The following OLIG1 variants were observed in gnomAD, a reference collection of about 807,000 sequenced individuals.
The protein encoded by OLIG1 is oligodendrocyte transcription factor 1.
In OLIG1, 9 loss-of-function variants were observed where a neutral mutation model predicts 13.5. The ratio of observed to expected loss-of-function variants is 0.67; its 90% CI spans 0.40 to 1.17. OLIG1 has a LOEUF of 1.17. Ranked by LOEUF, OLIG1 falls within the 50% of genes most tolerant of loss-of-function variation. OLIG1 has a pLI of 0.01. For synonymous variants in OLIG1, 215 were observed against 208.3 expected (o/e 1.03, Z -0.28); for missense variants, 362 against 392.2 (o/e 0.92, Z 0.65).
rs1321498884 is a variant in OLIG1, at chr21:33,071,254, G to T, written c.*192G>T. ...CCTGGGACGTTAAAGTGACCAGAGC[G>T]GATGTTCGATGGCGCCTCGGGGCAG... On this transcript the variant is annotated 3_prime_UTR_variant, in exon 1 of 1. Transcript: ENST00000382348. The surrounding 1 kb of genome is among the most constrained non-coding windows in gnomAD (Gnocchi z 6.0). The T allele has an allele frequency of 5.7e-6, 3 of 524,788 alleles. No individual in the cohort carries two copies. In the African/African-American group the frequency reaches 6.1e-5, roughly 11 times the overall value. The allele number at this position is 524,788 out of a possible 1,614,324, so 32.5% of individuals were successfully genotyped here.
At position 33,070,150 on chromosome 21, in the gene OLIG1, TC is replaced by T; in HGVS notation, c.-93del. On this transcript the variant is annotated 5_prime_UTR_variant, in exon 1 of 1. Coordinates refer to ENST00000382348, the MANE Select transcript of OLIG1 (RefSeq NM_138983.3). This position sits in a 1 kb window ranked among gnomAD's most constrained non-coding sequence, Gnocchi z 5.9. ...CGCGGGCCAGGGCCCCACCATCGTT[TC>T]CCCGCGCGCAGGTCCGCGGGGAGGG... 1 of 1,397,544 alleles carries T rather than the reference TC, an allele frequency of 7.2e-7. No individual in the cohort carries two copies. The highest frequency in any genetic ancestry group is 2.6e-4 in the Middle Eastern group (1 of 3,810). The allele number at this position is 1,397,544 out of a possible 1,614,324, so 86.6% of individuals were successfully genotyped here. A position where few individuals can be genotyped will look rare whatever the true frequency, so the allele number is the denominator to read the frequency against.
Position 33,070,789 on chromosome 21 carries a change from C to T in OLIG1, c.543C>T (p.Pro181=), listed in dbSNP as rs1368241687. Residue 181 remains proline, a synonymous_variant, in exon 1 of 1, where the codon CCC becomes CCT. Transcript: ENST00000382348. This position sits in a 1 kb window ranked among gnomAD's most constrained non-coding sequence, Gnocchi z 5.9. ...LRRALGEGAG[P]AAPRLLLAGL... ...GCGCGCTGGGCGAGGGCGCCGGGCCCGCCGCGCCGCGCCTGCTGCTGGCCG... is the reference window on the plus strand; with the variant it reads ...GCGCGCTGGGCGAGGGCGCCGGGCCTGCCGCGCCGCGCCTGCTGCTGGCCG... 5.0e-6 allele frequency: 6 copies of T among 1,200,718 alleles called. No homozygotes were observed. Among genetic ancestry groups the T allele is most frequent in the Non-Finnish European group, 6.2e-6 (6 of 969,014 alleles). 74.4% of individuals were successfully genotyped at this position (1,200,718 alleles called of 1,614,324 possible). A position where few individuals can be genotyped will look rare whatever the true frequency, so the allele number is the denominator to read the frequency against.
Position 33,070,840 on chromosome 21 carries a change from C to G in OLIG1, c.594C>G (p.Pro198=). 3 of 1,185,002 alleles carry G rather than the reference C, an allele frequency of 2.5e-6. No individual in the cohort carries two copies. Among genetic ancestry groups the G allele is most frequent in the Non-Finnish European group, 3.1e-6 (3 of 958,670 alleles). The allele number at this position is 1,185,002 out of a possible 1,614,324, so 73.4% of individuals were successfully genotyped here. Residue 198 remains proline (P), a synonymous_variant, in exon 1 of 1, where the codon CCC becomes CCG. Transcript: ENST00000382348. This position sits in a 1 kb window ranked among gnomAD's most constrained non-coding sequence, Gnocchi z 5.9. Reference sequence around the variant, plus strand: ...GGCTGCCCCTGCTCGCCGCCGCGCCCGGCTCCGTGCTGCTGGCGCCCGGCG... The same window carrying G: ...GGCTGCCCCTGCTCGCCGCCGCGCCGGGCTCCGTGCTGCTGGCGCCCGGCG... The part of the protein sequence containing the change: ...LAGLPLLAAA[P]GSVLLAPGAV...
In OLIG1 at chr21:33,071,761, T is replaced by C. The variant is rs1295565500; in HGVS notation, c.*699T>C. On this transcript the variant is annotated 3_prime_UTR_variant, in exon 1 of 1. Coordinates refer to ENST00000382348, the MANE Select transcript of OLIG1 (RefSeq NM_138983.3). The surrounding 1 kb of genome is among the most constrained non-coding windows in gnomAD (Gnocchi z 6.0). Reference sequence around the variant, plus strand: ...GCTGGGTTGGGACGTGGGTCCACTTTTGTAGACCAGCTGTTTGGAGAGCTG... The same window carrying C: ...GCTGGGTTGGGACGTGGGTCCACTTCTGTAGACCAGCTGTTTGGAGAGCTG... The C allele has an allele frequency of 6.0e-6, 1 of 167,066 alleles. No individual in the cohort carries two copies. Among genetic ancestry groups the C allele is most frequent in the Non-Finnish European group, 1.5e-5 (1 of 68,126 alleles). The allele number at this position is 167,066 out of a possible 1,614,324, so 10.3% of individuals were successfully genotyped here. A position where few individuals can be genotyped will look rare whatever the true frequency, so the allele number is the denominator to read the frequency against.
chr21:33,070,331 G>C lies in OLIG1; in HGVS notation c.85G>C (p.Gly29Arg), dbSNP rs1197791354. Residue 29 changes from glycine to arginine, a missense_variant, in exon 1 of 1, where the codon GGG becomes CGG. By Grantham distance (125) the Gly-to-Arg change is moderately radical (BLOSUM62 -2). Around this residue, in one of 3 missense-constraint regions of OLIG1, gnomAD observed 206 missense variants for 197.2 expected, o/e 1.04. Transcript: ENST00000382348. The surrounding 1 kb of genome is among the most constrained non-coding windows in gnomAD (Gnocchi z 5.9). ...ACAGCGGCCCGGAGACTTGCAGCTC[G>C]GGGCCTCCCTCTACGAGCTGGTGGG... Reference protein sequence around the residue: ...RPQRPGDLQLGASLYELVGYR... With the variant: ...RPQRPGDLQLRASLYELVGYR... 1.9e-6 allele frequency: 3 copies of C among 1,546,324 alleles called. No individual in the cohort carries two copies. The highest frequency in any genetic ancestry group is 1.2e-5 in the South Asian group (1 of 83,818).
At position 33,070,222 on chromosome 21, in the gene OLIG1, C is replaced by G. The variant is rs1982172421; in HGVS notation, c.-25C>G. 1.3e-6 allele frequency: 2 copies of G among 1,500,722 alleles called. No individual in the cohort carries two copies. Among genetic ancestry groups the G allele is most frequent in the African/African-American group, 1.4e-5 (1 of 69,484 alleles). 93.0% of individuals were successfully genotyped at this position (1,500,722 alleles called of 1,614,324 possible). A position where few individuals can be genotyped will look rare whatever the true frequency, so the allele number is the denominator to read the frequency against. ...CCCCAGGGCGTTCCTGAAGGGCGTC[C>G]TCGGCCGCCCCCACCGCCTCCCAGA... is the stretch of plus-strand genomic sequence containing the variant. On this transcript the variant is annotated 5_prime_UTR_variant, in exon 1 of 1. Coordinates refer to ENST00000382348, the MANE Select transcript of OLIG1 (RefSeq NM_138983.3). The surrounding 1 kb of genome is among the most constrained non-coding windows in gnomAD (Gnocchi z 5.9).
Position 33,070,393 on chromosome 21 carries a change from C to G in OLIG1, c.147C>G (p.Thr49=), listed in dbSNP as rs1419908227. 3 of 1,539,436 alleles carry G rather than the reference C, an allele frequency of 1.9e-6. No individual in the cohort carries two copies. The highest frequency in any genetic ancestry group is 2.6e-6 in the Non-Finnish European group (3 of 1,144,450). ...RQPPSSSSSS[T]SSTSSTSSSS... Reference sequence around the variant, plus strand: ...CGCCCTCCTCCTCCTCCTCCTCCACCTCCTCCACCTCCTCCACTTCCTCCT... The same window carrying G: ...CGCCCTCCTCCTCCTCCTCCTCCACGTCCTCCACCTCCTCCACTTCCTCCT... The change falls in exon 1 of 1, where the codon ACC becomes ACG. Residue 49 remains threonine (T), a synonymous_variant. Transcript: ENST00000382348. This position sits in a 1 kb window ranked among gnomAD's most constrained non-coding sequence, Gnocchi z 5.9.
In OLIG1 at chr21:33,070,815, G is replaced by C; in HGVS notation, c.569G>C (p.Gly190Ala). The change falls in exon 1 of 1, where the codon GGG becomes GCG. Residue 190 changes from glycine (G) to alanine (A), a missense_variant. This residue lies in a region of OLIG1 where 94 missense variants were observed against 146.0 expected (regional missense o/e 0.64). Coordinates refer to ENST00000382348, the MANE Select transcript of OLIG1 (RefSeq NM_138983.3). The surrounding 1 kb of genome is among the most constrained non-coding windows in gnomAD (Gnocchi z 5.9). ...GPAAPRLLLA[G>A]LPLLAAAPGS... is the part of the protein sequence containing the mutation. The stretch of plus-strand genomic sequence containing the variant: ...GCCGCGCCGCGCCTGCTGCTGGCCG[G>C]GCTGCCCCTGCTCGCCGCCGCGCCC... 1 of 1,169,936 alleles carries C rather than the reference G, an allele frequency of 8.5e-7. No individual in the cohort carries two copies. Among genetic ancestry groups the C allele is most frequent in the Non-Finnish European group, 1.1e-6 (1 of 949,422 alleles). 72.5% of individuals were successfully genotyped at this position (1,169,936 alleles called of 1,614,324 possible). A position where few individuals can be genotyped will look rare whatever the true frequency, so the allele number is the denominator to read the frequency against.
In OLIG1 at chr21:33,070,730, C is replaced by G; in HGVS notation, c.484C>G (p.Leu162Val). The G allele has an allele frequency of 6.8e-7, 1 of 1,475,984 alleles. No homozygotes were observed. The allele number at this position is 1,475,984 out of a possible 1,614,324, so 91.4% of individuals were successfully genotyped here. ...ATLLLARNYI[L>V]LLGSSLQELR... is the part of the protein sequence containing the mutation. ...GCTGCTGCTCGCCCGCAACTACATC[C>G]TACTGCTGGGCAGCTCGCTGCAGGA... is the stretch of plus-strand genomic sequence containing the variant. Residue 162 changes from leucine (L) to valine (V), a missense_variant, in exon 1 of 1, where the codon CTA becomes GTA. Around this residue, in one of 3 missense-constraint regions of OLIG1, gnomAD observed 94 missense variants for 146.0 expected, o/e 0.64. Coordinates refer to ENST00000382348, the MANE Select transcript of OLIG1 (RefSeq NM_138983.3). This position sits in a 1 kb window ranked among gnomAD's most constrained non-coding sequence, Gnocchi z 5.9.
rs1453726040 is a variant in OLIG1, at chr21:33,070,225, G to C, written c.-22G>C. Reference sequence around the variant, plus strand: ...CAGGGCGTTCCTGAAGGGCGTCCTCGGCCGCCCCCACCGCCTCCCAGATGT... The same window carrying C: ...CAGGGCGTTCCTGAAGGGCGTCCTCCGCCGCCCCCACCGCCTCCCAGATGT... On this transcript the variant is annotated 5_prime_UTR_variant, in exon 1 of 1. Transcript: ENST00000382348. The surrounding 1 kb of genome is among the most constrained non-coding windows in gnomAD (Gnocchi z 5.9). 3 of 1,503,696 alleles carry C rather than the reference G, an allele frequency of 2.0e-6. No individual in the cohort carries two copies. The highest frequency in any genetic ancestry group is 2.7e-6 in the Non-Finnish European group (3 of 1,121,800). 93.1% of individuals were successfully genotyped at this position (1,503,696 alleles called of 1,614,324 possible).
rs763989022 is a variant in OLIG1 at position 33,070,530 on chromosome 21, G to C, written c.284G>C (p.Arg95Pro). The C allele has an allele frequency of 2.1e-5, 31 of 1,500,824 alleles. No individual in the cohort carries two copies. The highest frequency in any genetic ancestry group is 2.5e-5 in the Non-Finnish European group (28 of 1,130,808). The allele number at this position is 1,500,824 out of a possible 1,614,324, so 93.0% of individuals were successfully genotyped here. The change falls in exon 1 of 1, where the codon CGG becomes CCG. Residue 95 changes from arginine (R) to proline (P), a missense_variant. Arg to Pro is a moderately radical substitution (Grantham distance 103). Transcript: ENST00000382348. The surrounding 1 kb of genome is among the most constrained non-coding windows in gnomAD (Gnocchi z 5.9). ...GSGAHPGGSA[R>P]PDAKEEQQQQ... ...GGCGCGCACCCGGGCGGCAGCGCCC[G>C]GCCGGACGCCAAGGAGGAGCAGCAG...
chr21:33,070,954 C>CGGG lies in OLIG1; in HGVS notation c.710_711insGGG (p.Gly238dup). ...CGTGCGGCCAGTTCGCTCTCCCCGG[C>CGGG]GGCGGCGCAGGCGGCCCCGGCCTCT... On this transcript the variant is annotated inframe_insertion, in exon 1 of 1. Coordinates refer to ENST00000382348, the MANE Select transcript of OLIG1 (RefSeq NM_138983.3). The surrounding 1 kb of genome is among the most constrained non-coding windows in gnomAD (Gnocchi z 5.9). 1.4e-6 allele frequency: 2 copies of CGGG among 1,461,018 alleles called. No individual in the cohort carries two copies. Among genetic ancestry groups the CGGG allele is most frequent in the Non-Finnish European group, 1.8e-6 (2 of 1,113,358 alleles). 90.5% of individuals were successfully genotyped at this position (1,461,018 alleles called of 1,614,324 possible).
chr21:33,071,058 A>T lies in OLIG1; in HGVS notation c.812A>T (p.Lys271Met). The T allele has an allele frequency of 1.3e-6, 2 of 1,497,396 alleles. No homozygotes were observed. The highest frequency in any genetic ancestry group is 1.2e-5 in the South Asian group (1 of 80,310). The allele number at this position is 1,497,396 out of a possible 1,614,324, so 92.8% of individuals were successfully genotyped here. Reference sequence around the variant, plus strand: ...GCCGCCGTGCAGGCGCAATTCTCCAAGTGAGGGCGGGCCTGGGCCTGGGGC... The same window carrying T: ...GCCGCCGTGCAGGCGCAATTCTCCATGTGAGGGCGGGCCTGGGCCTGGGGC... ...GLAAVQAQFS[K>M] The change falls in exon 1 of 1, where the codon AAG (lysine) becomes ATG (methionine). Residue 271 changes from lysine to methionine, a missense_variant. Physicochemically the swap from Lys to Met is moderately conservative, Grantham distance 95. Transcript: ENST00000382348. The surrounding 1 kb of genome is among the most constrained non-coding windows in gnomAD (Gnocchi z 6.0).
chr21:33,071,562 G>T lies in OLIG1; in HGVS notation c.*500G>T. 6.0e-6 allele frequency: 1 copy of T among 166,426 alleles called. No homozygotes were observed. The allele number at this position is 166,426 out of a possible 1,614,324, so 10.3% of individuals were successfully genotyped here. A position where few individuals can be genotyped will look rare whatever the true frequency, so the allele number is the denominator to read the frequency against. On this transcript the variant is annotated 3_prime_UTR_variant, in exon 1 of 1. Coordinates refer to ENST00000382348, the MANE Select transcript of OLIG1 (RefSeq NM_138983.3). The surrounding 1 kb of genome is among the most constrained non-coding windows in gnomAD (Gnocchi z 6.0). ...TTCTCCTCCGCCAGAGGCCACGGGCGCCCTTGTTCCCGCCGGCCAGGTCCT... is the reference window on the plus strand; with the variant it reads ...TTCTCCTCCGCCAGAGGCCACGGGCTCCCTTGTTCCCGCCGGCCAGGTCCT...
rs561598181 is a variant in OLIG1 at position 33,072,222 on chromosome 21, C to T, written c.*1160C>T. The T allele has an allele frequency of 1.3e-4, 22 of 167,232 alleles. No individual in the cohort carries two copies. The highest frequency in any genetic ancestry group is 5.3e-4 in the African/African-American group (22 of 41,590). The allele number at this position is 167,232 out of a possible 1,614,324, so 10.4% of individuals were successfully genotyped here. A position where few individuals can be genotyped will look rare whatever the true frequency, so the allele number is the denominator to read the frequency against. Reference sequence around the variant, plus strand: ...GAAGAGCTACATACGTAGTCAGTTTCGATTTGTTACAGACGTTAACAAATT... The same window carrying T: ...GAAGAGCTACATACGTAGTCAGTTTTGATTTGTTACAGACGTTAACAAATT... On this transcript the variant is annotated 3_prime_UTR_variant, in exon 1 of 1. Transcript: ENST00000382348.
chr21:33,070,596 G>A lies in OLIG1; in HGVS notation c.350G>A (p.Arg117His), dbSNP rs866564583. The change falls in exon 1 of 1, where the codon CGC becomes CAC. Residue 117 changes from arginine to histidine, a missense_variant. Coordinates refer to ENST00000382348, the MANE Select transcript of OLIG1 (RefSeq NM_138983.3). The surrounding 1 kb of genome is among the most constrained non-coding windows in gnomAD (Gnocchi z 5.9). ...AAGATCAACAGCCGCGAGCGGAAGC[G>A]CATGCAGGACCTGAACCTGGCCATG... is the stretch of plus-strand genomic sequence containing the variant. Reference protein sequence around the residue: ...RRKINSRERKRMQDLNLAMDA... With the variant: ...RRKINSRERKHMQDLNLAMDA... The A allele has an allele frequency of 1.9e-6, 3 of 1,568,594 alleles. No homozygotes were observed. Among genetic ancestry groups the A allele is most frequent in the East Asian group, 2.5e-5 (1 of 40,528 alleles).
In OLIG1 at chr21:33,071,289, C is replaced by T. The variant is rs1400907741; in HGVS notation, c.*227C>T. On this transcript the variant is annotated 3_prime_UTR_variant, in exon 1 of 1. Coordinates refer to ENST00000382348, the MANE Select transcript of OLIG1 (RefSeq NM_138983.3). The surrounding 1 kb of genome is among the most constrained non-coding windows in gnomAD (Gnocchi z 6.0). ...TGGCGCCTCGGGGCAGTTTGGGGTT[C>T]TGGGTCGGTTCCAGCGGCTTTAGGC... 5 of 425,336 alleles carry T rather than the reference C, an allele frequency of 1.2e-5. No homozygotes were observed. The highest frequency in any genetic ancestry group is 2.2e-5 in the Non-Finnish European group (5 of 231,232). 26.3% of individuals were successfully genotyped at this position (425,336 alleles called of 1,614,324 possible).
In OLIG1 at chr21:33,070,292, A is replaced by G; in HGVS notation, c.46A>G (p.Thr16Ala). 6.5e-7 allele frequency: 1 copy of G among 1,544,346 alleles called. No individual in the cohort carries two copies. Among genetic ancestry groups the G allele is most frequent in the Non-Finnish European group, 8.7e-7 (1 of 1,144,532 alleles). Reference sequence around the variant, plus strand: ...GGCGCGCGTGAACGCGGTCCCCGGGACCATGCTGCGGCCACAGCGGCCCGG... The same window carrying G: ...GGCGCGCGTGAACGCGGTCCCCGGGGCCATGCTGCGGCCACAGCGGCCCGG... ...SQARVNAVPG[T>A]MLRPQRPGDL... is the part of the protein sequence containing the mutation. The change falls in exon 1 of 1, where the codon ACC becomes GCC. Residue 16 changes from threonine to alanine, a missense_variant. By Grantham distance (58) the Thr-to-Ala change is moderately conservative. Coordinates refer to ENST00000382348, the MANE Select transcript of OLIG1 (RefSeq NM_138983.3). The surrounding 1 kb of genome is among the most constrained non-coding windows in gnomAD (Gnocchi z 5.9).
At position 33,071,452 on chromosome 21, in the gene OLIG1, T is replaced by G; in HGVS notation, c.*390T>G. 2 of 169,552 alleles carry G rather than the reference T, an allele frequency of 1.2e-5. No individual in the cohort carries two copies. The highest frequency in any genetic ancestry group is 2.8e-5 in the Non-Finnish European group (2 of 70,844). The allele number at this position is 169,552 out of a possible 1,614,324, so 10.5% of individuals were successfully genotyped here. A position where few individuals can be genotyped will look rare whatever the true frequency, so the allele number is the denominator to read the frequency against. On this transcript the variant is annotated 3_prime_UTR_variant, in exon 1 of 1. Transcript: ENST00000382348. This position sits in a 1 kb window ranked among gnomAD's most constrained non-coding sequence, Gnocchi z 6.0. Reference sequence around the variant, plus strand: ...GCAGCGAGAGGCCATCCCCGAGCGCTACCTCCCCGGAGCGGAGCACGCCGG... The same window carrying G: ...GCAGCGAGAGGCCATCCCCGAGCGCGACCTCCCCGGAGCGGAGCACGCCGG...
Sources: allele counts gnomAD v4.1 joint callset, GRCh38; gene constraint gnomAD v4.1.1; regional missense constraint gnomAD v4.1.1; non-coding constraint Gnocchi (gnomAD v3.1); transcripts MANE v1.5; gene names NCBI Gene and HGNC (gene_info 2026-07-23, HGNC 2026-07-21).